The following TENT2 variants were observed in gnomAD, a reference collection of about 807,000 sequenced individuals.
TENT2 encodes the protein terminal nucleotidyltransferase 2, also known as poly(A) RNA polymerase GLD2.
A neutral mutation model predicts 72.2 loss-of-function variants in TENT2; 44 were observed. The ratio of observed to expected loss-of-function variants is 0.61; its 90% CI spans 0.48 to 0.78. The LOEUF is 0.78. TENT2 is among the 30% of genes least tolerant of loss of function. The pLI is 0.00. For synonymous variants in TENT2, 212 were observed against 192.5 expected (o/e 1.10, Z -0.84); for missense variants, 541 against 569.6 (o/e 0.95, Z 0.51).
chr5:79,617,678 T>G (rs190126193), intron 1 of TENT2: 1 of 152,324 alleles, frequency 6.6e-6, no homozygotes, highest in South Asian at 2.1e-4. Context: ...TTTGATAACT[T>G]AAATGTCTAA....
intron 8 of TENT2, among the ~76,000 whole-genome samples, chr5:79,646,785 A>G (rs1226313206): frequency 4.3e-5 from 6 of 138,082 alleles, no homozygotes; most frequent in Non-Finnish European, 7.8e-5. Flanking sequence ...TTTTTTTTTT[A>G]AGAGACAGGG....
chr5:79,683,311 GCTCA>G (rs1225906107), intron 14 of TENT2, among the ~76,000 whole-genome samples: 5 of 132,176 alleles, frequency 3.8e-5, no homozygotes, highest in Non-Finnish European at 7.6e-5. Context: ...GCACGCACAT[GCTCA>G]CACACACACA....
In TENT2 at chr5:79,679,721, TTGAG is replaced by T. The variant is rs1820243533; in HGVS notation, c.1300+53_1300+56del. 4 of 1,048,734 alleles carry T rather than the reference TTGAG, an allele frequency of 3.8e-6. No individual in the cohort carries two copies. In the Admixed American group the frequency reaches 8.0e-5, roughly 21 times the overall value. 65.0% of individuals were successfully genotyped at this position (1,048,734 alleles called of 1,614,324 possible). A position where few individuals can be genotyped will look rare whatever the true frequency, so the allele number is the denominator to read the frequency against. On this transcript the variant is annotated intron_variant, in intron 13 of 14. Transcript: ENST00000453514. ...ATCATCATGGTACTAAGAGAATTAC[TTGAG>T]TAATTTCAGCTGTGTTTCAGTTAAA...
At chr5:79,616,771 A>G (rs540224503) in intron 1 of TENT2, among the ~76,000 whole-genome samples, 54 of 152,316 alleles carry the variant, frequency 3.5e-4, no homozygotes, top group Non-Finnish European at 6.3e-4. Context: ...AGGGTCTGCT[A>G]AAGAAAGTTG....
Position 79,688,014 on chromosome 5 carries a change from T to C in TENT2, c.*2741T>C, listed in dbSNP as rs1399843038. On this transcript the variant is annotated 3_prime_UTR_variant, in exon 15 of 15. Transcript: ENST00000453514. The stretch of plus-strand genomic sequence containing the variant: ...TTAAGAGAATAAATATTGCTGATGC[T>C]AAACCTGGTTTAGTGAGCTGTGGAA... 6.6e-6 allele frequency among the ~76,000 whole-genome samples: 1 copy of C among 152,224 alleles called. No homozygotes were observed.
intron 4 of TENT2, among the ~76,000 whole-genome samples, chr5:79,630,549 C>G (rs902181295): frequency 6.6e-6 from 1 of 152,106 alleles, no homozygotes; most frequent in South Asian, 2.1e-4. Flanking sequence ...TGCACTCTAG[C>G]CTGGGCGACA....
intron 12 of TENT2, among the ~76,000 whole-genome samples, chr5:79,672,108 A>AGC (rs1412268175): frequency 7.2e-5 from 11 of 151,814 alleles, no homozygotes; most frequent in Non-Finnish European, 1.6e-4. Flanking sequence ...GTCTCAAAAA[A>AGC]AAAAACAAAA....
At chr5:79,631,512 A>G (rs1265224185) in intron 4 of TENT2, among the ~76,000 whole-genome samples, 1 of 152,232 alleles carries the variant, frequency 6.6e-6, no homozygotes, top group East Asian at 1.9e-4. Flanking sequence ...TTTGGCCATC[A>G]TCAGCATACA....
intron 4 of TENT2, among the ~76,000 whole-genome samples, chr5:79,625,601 T>C (rs2150053255): frequency 6.6e-6 from 1 of 152,262 alleles, no homozygotes; most frequent in South Asian, 2.1e-4. Context: ...ATTTAGGACT[T>C]TGATCCATTT....
intron 2 of TENT2, 87 bp downstream of exon 2, chr5:79,619,872 A>G: frequency 6.6e-7 from 1 of 1,505,796 alleles, no homozygotes; most frequent in Non-Finnish European, 9.0e-7. Context: ...ACTTTTGAAC[A>G]TGGAGAATAT....
chr5:79,662,942 C>G (rs181288224), intron 11 of TENT2, among the ~76,000 whole-genome samples: 1 of 152,314 alleles, frequency 6.6e-6, no homozygotes, highest in Admixed American at 6.5e-5. Context: ...GAAAAATCTG[C>G]TATTTAGTGT....
chr5:79,676,080 C>A (rs1386867953), intron 12 of TENT2, among the ~76,000 whole-genome samples: 1 of 151,376 alleles, frequency 6.6e-6, no homozygotes, highest in Admixed American at 6.6e-5. Context: ...TGCTTCCCAG[C>A]CCATAACAAT....
chr5:79,636,822 T>A (rs1421498193), intron 4 of TENT2, among the ~76,000 whole-genome samples: 1 of 152,184 alleles, frequency 6.6e-6, no homozygotes, highest in East Asian at 1.9e-4. Context: ...GTACATAGAT[T>A]TCTAAATATT....
intron 7 of TENT2, among the ~76,000 whole-genome samples, chr5:79,643,772 C>G (rs1425072827): frequency 1.3e-5 from 2 of 151,826 alleles, no homozygotes; most frequent in Admixed American, 1.3e-4. Context: ...AATGGAAGGG[C>G]CCTTAAAGAT....
rs1225314736 is a variant in TENT2, at chr5:79,623,340, A to G, written c.316A>G (p.Ile106Val). 7 of 1,613,784 alleles carry G rather than the reference A, an allele frequency of 4.3e-6. No individual in the cohort carries two copies. Among genetic ancestry groups the G allele is most frequent in the Non-Finnish European group, 5.9e-6 (7 of 1,179,834 alleles). The stretch of plus-strand genomic sequence containing the variant: ...CCAAGAGCCAACTGTAGTTAACCAG[A>G]TAGTGCCTTTATCAGGTGAACGAAG... ...PHQEPTVVNQIVPLSGERRYS... is the reference protein window; with the variant it reads ...PHQEPTVVNQVVPLSGERRYS... The change falls in exon 4 of 15, where the codon ATA becomes GTA. Residue 106 changes from isoleucine (I) to valine (V), a missense_variant. Ile to Val is a conservative substitution (Grantham distance 29, BLOSUM62 3). Coordinates refer to ENST00000453514, the MANE Select transcript of TENT2 (RefSeq NM_001114394.3).
At chr5:79,684,826 C>G (rs1348205899) in intron 14 of TENT2, among the ~76,000 whole-genome samples, 1 of 152,136 alleles carries the variant, frequency 6.6e-6, no homozygotes, top group African/African-American at 2.4e-5. Context: ...ACAATACTTA[C>G]ACTGTGTTAA....
At chr5:79,682,104 A>G (rs780800098) in intron 14 of TENT2, 43 bp downstream of exon 14, 1 of 1,447,246 alleles carries the variant, frequency 6.9e-7, no homozygotes, top group South Asian at 1.2e-5. Context: ...TTAGTAGACT[A>G]GTATGCTTTA....
chr5:79,615,736 G>T (rs1445532057), intron 1 of TENT2, among the ~76,000 whole-genome samples: 1 of 151,610 alleles, frequency 6.6e-6, no homozygotes, highest in Non-Finnish European at 1.5e-5. Flanking sequence ...TTGAGACAGG[G>T]TCTTGCTCTG....
At chr5:79,635,291 T>C (rs987060914) in intron 4 of TENT2, among the ~76,000 whole-genome samples, 1 of 152,214 alleles carries the variant, frequency 6.6e-6, no homozygotes. Flanking sequence ...TAAAGTAATA[T>C]GATTTGATAA....
Sources: allele counts gnomAD v4.1 joint callset (sites outside exome capture counted in the v4.1 genomes callset), GRCh38; gene constraint gnomAD v4.1.1; transcripts MANE v1.5; gene names NCBI Gene and HGNC (gene_info 2026-07-23, HGNC 2026-07-21).